Variants in SLC7A7 observed in about 807,000 individuals in gnomAD.
SLC7A7 encodes the protein solute carrier family 7 member 7.
Under a neutral mutation model 47.9 loss-of-function variants are expected in SLC7A7, and 39 were observed. The ratio of observed to expected loss-of-function variants is 0.81; its 90% CI spans 0.63 to 1.06. SLC7A7 has a LOEUF of 1.06. SLC7A7 is among the 50% of genes least tolerant of loss of function. The pLI, the probability that SLC7A7 is intolerant of heterozygous loss-of-function variation, is 0.00. For synonymous variants in SLC7A7, 234 were observed against 242.8 expected, an observed-to-expected ratio of 0.96 and a Z score of 0.34; for missense variants, 588 against 632.0, an observed-to-expected ratio of 0.93 and a Z score of 0.75.
At position 22,778,934 on chromosome 14, in the gene SLC7A7, G is replaced by C; in HGVS notation, c.629C>G (p.Ala210Gly). ...AAAGGAATTCTCAAAATGAGTAGAG[G>C]CTCCTGGAACCCAAGAACATTGGAA... ...VAGIVRLGQG[A>G]STHFENSFEG... The change falls in exon 4 of 10, where the codon GCC (alanine) becomes GGC (glycine). Residue 210 changes from alanine to glycine, a missense_variant. By Grantham distance (60) the Ala-to-Gly change is moderately conservative. Coordinates refer to ENST00000674313, the MANE Select transcript of SLC7A7 (RefSeq NM_003982.4). The C allele has an allele frequency of 1.2e-6, 2 of 1,613,902 alleles. No homozygotes were observed. The highest frequency in any genetic ancestry group is 1.1e-5 in the South Asian group (1 of 91,056).
chr14:22,777,227 GGTT>G lies in SLC7A7; in HGVS notation c.771-912_771-910del, dbSNP rs1594946478. On this transcript the variant is annotated intron_variant, in intron 4 of 9. Transcript: ENST00000674313. ...CATCATAACGCACAGGAAAATGGGA[GGTT>G]GTTTTGTTTTATACCCCAAAGATCT... 2.0e-5 allele frequency among the ~76,000 whole-genome samples: 3 copies of G among 151,878 alleles called. No homozygotes were observed. The East Asian group carries it at 5.8e-4, about 29-fold the overall frequency.
chr14:22,813,142 C>G lies in SLC7A7; in HGVS notation c.257G>C (p.Gly86Ala). 6.2e-7 allele frequency: 1 copy of G among 1,614,098 alleles called. No individual in the cohort carries two copies. Among genetic ancestry groups the G allele is most frequent in the Non-Finnish European group, 8.5e-7 (1 of 1,180,032 alleles). The change falls in exon 2 of 10, where the codon GGG (glycine) becomes GCG (alanine). Residue 86 changes from glycine (G) to alanine (A), a missense_variant. By Grantham distance (60) the Gly-to-Ala change is moderately conservative. Transcript: ENST00000674313. ...GCCCAGTTCCGCATAACAAAGGGCC[C>G]CAAAGACGGAGAAGAGGCCCCCGAC... The part of the protein sequence containing the change: ...WAVGGLFSVF[G>A]ALCYAELGTT...
intron 2 of SLC7A7, among the ~76,000 whole-genome samples, chr14:22,811,784 G>A (rs1474511182): frequency 6.6e-6 from 1 of 150,488 alleles, no homozygotes; most frequent in African/African-American, 2.4e-5. Context: ...CCCAGAAGAT[G>A]GAGGTTGCAG....
intron 2 of SLC7A7, among the ~76,000 whole-genome samples, chr14:22,811,609 G>A (rs886457645): frequency 6.6e-6 from 1 of 152,156 alleles, no homozygotes; most frequent in African/African-American, 2.4e-5. Context: ...CAACACTTTG[G>A]GAAGCCAAGG....
Position 22,813,414 on chromosome 14 carries a change from AC to A in SLC7A7, c.-17del. On this transcript the variant is annotated 5_prime_UTR_variant, in exon 2 of 10. Coordinates refer to ENST00000674313, the MANE Select transcript of SLC7A7 (RefSeq NM_003982.4). The stretch of plus-strand genomic sequence containing the variant: ...TGTCAACCATGGTGGAGGAGAGGAA[AC>A]CCTTCACCAGCTTCCTGGCATTGCC... 6.2e-7 allele frequency: 1 copy of A among 1,607,984 alleles called. No homozygotes were observed. The highest frequency in any genetic ancestry group is 8.5e-7 in the Non-Finnish European group (1 of 1,179,954).
intron 2 of SLC7A7, among the ~76,000 whole-genome samples, chr14:22,791,679 C>T (rs1420468006): frequency 1.3e-5 from 2 of 152,150 alleles, no homozygotes; most frequent in Non-Finnish European, 2.9e-5. Context: ...AAATACTCTA[C>T]CACTGCTGTT....
At chr14:22,801,673 G>C (rs2039116443) in intron 2 of SLC7A7, among the ~76,000 whole-genome samples, 1 of 152,136 alleles carries the variant, frequency 6.6e-6, no homozygotes, top group South Asian at 2.1e-4. Flanking sequence ...AGCTACTCAG[G>C]AGGAGACAGG....
intron 2 of SLC7A7, among the ~76,000 whole-genome samples, chr14:22,795,042 G>A (rs573750492): frequency 6.6e-6 from 1 of 151,368 alleles, no homozygotes; most frequent in South Asian, 2.1e-4. Flanking sequence ...ATGTAGTCAG[G>A]GAGTGGGAGT....
chr14:22,795,381 G>GCTTT (rs1491096172), intron 2 of SLC7A7, among the ~76,000 whole-genome samples: 159 of 5,030 alleles, frequency 0.032, 1 homozygote, highest in African/African-American at 0.033. Flanking sequence ...AGTATTGCTT[G>GCTTT]CTTGCTTTCT....
At chr14:22,778,550 A>G (rs967900497) in intron 4 of SLC7A7, among the ~76,000 whole-genome samples, 2 of 146,956 alleles carry the variant, frequency 1.4e-5, no homozygotes, top group African/African-American at 2.5e-5. Context: ...TAATGCAGAA[A>G]TTAATGAACA....
intron 5 of SLC7A7, 35 bp from the exon 6 acceptor site, chr14:22,775,971 T>A: frequency 6.4e-7 from 1 of 1,554,242 alleles, no homozygotes; most frequent in Non-Finnish European, 8.9e-7. Context: ...ATTAGCAGGA[T>A]CTAAAAGGGA....
intron 2 of SLC7A7, among the ~76,000 whole-genome samples, chr14:22,787,968 G>A (rs1224066039): frequency 6.6e-6 from 1 of 151,688 alleles, no homozygotes; most frequent in South Asian, 2.1e-4. Context: ...AGCTACTCGG[G>A]AGGCTGAGGC....
At chr14:22,806,235 G>A (rs1278451259) in intron 2 of SLC7A7, among the ~76,000 whole-genome samples, 5 of 106,658 alleles carry the variant, frequency 4.7e-5, no homozygotes, top group East Asian at 5.9e-4. Context: ...TTGCTCTGTC[G>A]CCCAGGCTAG....
At chr14:22,793,459 C>T (rs2038961252) in intron 2 of SLC7A7, among the ~76,000 whole-genome samples, 2 of 152,186 alleles carry the variant, frequency 1.3e-5, no homozygotes. Flanking sequence ...AAGCAGACCT[C>T]CTTCTTGCCT....
intron 1 of SLC7A7, chr14:22,814,947 C>A (rs2039382554): frequency 5.1e-6 from 1 of 197,078 alleles, no homozygotes; most frequent in Non-Finnish European, 1.1e-5. Flanking sequence ...GTATTCTAAG[C>A]CTCCTGCTAT....
At chr14:22,818,662 G>A (rs2039439015), upstream of SLC7A7, among the ~76,000 whole-genome samples, 3 of 151,010 alleles carry the variant, frequency 2.0e-5, no homozygotes, top group South Asian at 6.3e-4. Context: ...GAGTGCAGTG[G>A]CACAATCTCT....
intron 2 of SLC7A7, among the ~76,000 whole-genome samples, chr14:22,794,486 G>T (rs1485904302): frequency 6.6e-6 from 1 of 152,114 alleles, no homozygotes; most frequent in African/African-American, 2.4e-5. Context: ...GGTTTGCTTA[G>T]CTAGGGGTCA....
chr14:22,790,100 G>A (rs1008018649), intron 2 of SLC7A7, among the ~76,000 whole-genome samples: 4 of 151,872 alleles, frequency 2.6e-5, no homozygotes, highest in Non-Finnish European at 4.4e-5. Flanking sequence ...AGGCCAGGGT[G>A]GGCTGATCCC....
intron 2 of SLC7A7, among the ~76,000 whole-genome samples, chr14:22,806,235 G>T (rs1278451259): frequency 4.7e-5 from 5 of 106,658 alleles, no homozygotes; most frequent in African/African-American, 1.5e-4. Context: ...TTGCTCTGTC[G>T]CCCAGGCTAG....
Sources: allele counts gnomAD v4.1 joint callset (sites outside exome capture counted in the v4.1 genomes callset), GRCh38; gene constraint gnomAD v4.1.1; transcripts MANE v1.5; gene names NCBI Gene and HGNC (gene_info 2026-07-23, HGNC 2026-07-21).